SH2D4A: variants seen among roughly 807,000 people sequenced by gnomAD.
SH2D4A encodes SH2 domain-containing protein 4A.
A neutral mutation model predicts 64.7 loss-of-function variants in SH2D4A; 70 were observed. The observed-to-expected ratio is 1.08, with a 90% CI of 0.89 to 1.32. The LOEUF (loss-of-function observed/expected upper bound fraction) is 1.32, where lower values mean the gene tolerates loss of function less well. SH2D4A is among the 40% of genes most tolerant of loss of function. The pLI is 0.00. For missense variants in SH2D4A, 706 were observed against 540.1 expected, an observed-to-expected ratio of 1.31 and a Z score of -3.04; for synonymous variants, 268 against 200.7, an observed-to-expected ratio of 1.34 and a Z score of -2.83.
At position 19,364,192 on chromosome 8, in the gene SH2D4A, C is replaced by A; in HGVS notation, c.827C>A (p.Pro276His). ...KGRGGERLQS[P>H]LRVPQKPERP... is the part of the protein sequence containing the mutation. ...AGAGGCGGTGAGAGGCTGCAAAGCC[C>A]CTTGCGTGTTCCGCAGAAACCAGAA... Residue 276 changes from proline to histidine, a missense_variant, in exon 7 of 10, where the codon CCC becomes CAC. Transcript: ENST00000265807. The A allele has an allele frequency of 6.2e-7, 1 of 1,614,130 alleles. No individual in the cohort carries two copies. Among genetic ancestry groups the A allele is most frequent in the South Asian group, 1.1e-5 (1 of 91,082 alleles).
At chr8:19,326,663 A>AT (rs1191137824) in intron 2 of SH2D4A, among the ~76,000 whole-genome samples, 1 of 109,476 alleles carries the variant, frequency 9.1e-6, no homozygotes, top group African/African-American at 5.5e-5. Context: ...TGTATGTGTG[A>AT]GTGTGTGTGT....
intron 2 of SH2D4A, among the ~76,000 whole-genome samples, chr8:19,320,802 A>G (rs1021475301): frequency 2.0e-5 from 3 of 152,176 alleles, no homozygotes; most frequent in East Asian, 1.9e-4. Context: ...ACACTTTTCA[A>G]GGTCACTTGC....
intron 6 of SH2D4A, among the ~76,000 whole-genome samples, chr8:19,362,655 G>C (rs2052910738): frequency 6.6e-6 from 1 of 152,024 alleles, no homozygotes; most frequent in Non-Finnish European, 1.5e-5. Context: ...CAGGAGAATT[G>C]CTTGAACCAG....
At chr8:19,341,454 C>G (rs939626886) in intron 4 of SH2D4A, among the ~76,000 whole-genome samples, 2 of 152,152 alleles carry the variant, frequency 1.3e-5, no homozygotes, top group African/African-American at 4.8e-5. Flanking sequence ...AACAATCAGT[C>G]TTCCAGGATT....
In SH2D4A at chr8:19,357,295, C is replaced by T; in HGVS notation, c.594+12C>T. On this transcript the variant is annotated intron_variant, in intron 5 of 9. Coordinates refer to ENST00000265807, the MANE Select transcript of SH2D4A (RefSeq NM_022071.4). ...ATGCATTTCACCAGGTAAAAGACTT[C>T]CCTTCTGTCCTCCGGGGGCTGCATA... is the stretch of plus-strand genomic sequence containing the variant. 1.9e-6 allele frequency: 3 copies of T among 1,592,150 alleles called. No individual in the cohort carries two copies. The highest frequency in any genetic ancestry group is 1.1e-5 in the South Asian group (1 of 90,580).
intron 1 of SH2D4A, 161 bp downstream of exon 1, chr8:19,313,984 G>A: frequency 8.0e-7 from 1 of 1,253,742 alleles, no homozygotes; most frequent in East Asian, 3.2e-5. Context: ...CGCGGCGCCC[G>A]GGGCGGGCTC....
At chr8:19,314,833 A>G (rs1384847558) in intron 1 of SH2D4A, among the ~76,000 whole-genome samples, 1 of 152,224 alleles carries the variant, frequency 6.6e-6, no homozygotes, top group Non-Finnish European at 1.5e-5. Flanking sequence ...AGAATAGTAT[A>G]TATTTACAAA....
At chr8:19,342,757 T>C (rs1431758319) in intron 4 of SH2D4A, among the ~76,000 whole-genome samples, 1 of 152,128 alleles carries the variant, frequency 6.6e-6, no homozygotes, top group Non-Finnish European at 1.5e-5. Context: ...GGATTAGAGT[T>C]TTTGGGCTTT....
intron 4 of SH2D4A, among the ~76,000 whole-genome samples, chr8:19,343,063 A>C (rs1318874665): frequency 6.6e-6 from 1 of 152,098 alleles, no homozygotes; most frequent in Admixed American, 6.5e-5. Context: ...GTACTGCTGG[A>C]CTGGTTACCT....
chr8:19,357,166 C>A (rs760280672), intron 4 of SH2D4A, 37 bp from the exon 5 acceptor site: 43 of 1,502,292 alleles, frequency 2.9e-5, no homozygotes, highest in Non-Finnish European at 4.0e-5. Flanking sequence ...TGCACTGCAG[C>A]TCCAAATGCC....
intron 1 of SH2D4A, among the ~76,000 whole-genome samples, chr8:19,316,204 G>A (rs1028737023): frequency 1.3e-5 from 2 of 152,200 alleles, no homozygotes; most frequent in African/African-American, 4.8e-5. Context: ...GTTGTCGGCT[G>A]GGTCCCCCAA....
chr8:19,390,201 T>G (rs1197494338), intron 8 of SH2D4A, among the ~76,000 whole-genome samples: 1 of 152,094 alleles, frequency 6.6e-6, no homozygotes, highest in Non-Finnish European at 1.5e-5. Flanking sequence ...GCCAACATGG[T>G]AAAACCCTAT....
chr8:19,348,798 C>T (rs1032410596), intron 4 of SH2D4A, among the ~76,000 whole-genome samples: 19 of 152,256 alleles, frequency 1.2e-4, no homozygotes, highest in South Asian at 4.1e-4. Flanking sequence ...GTGATTTAAG[C>T]GGAGGTGAGT....
chr8:19,337,072 A>C, intron 4 of SH2D4A, among the ~76,000 whole-genome samples: 1 of 152,144 alleles, frequency 6.6e-6, no homozygotes, highest in East Asian at 1.9e-4. Flanking sequence ...TGACATATGG[A>C]AAGAGATGGG....
intron 7 of SH2D4A, 97 bp from the exon 8 acceptor site, chr8:19,373,433 T>C (rs2053138121): frequency 5.0e-6 from 4 of 794,762 alleles, no homozygotes; most frequent in African/African-American, 4.2e-5. Flanking sequence ...CATGTATATG[T>C]ATGTGTGTGT....
At chr8:19,314,037 G>A (rs2052042750) in intron 1 of SH2D4A, 1 of 1,054,822 alleles carries the variant, frequency 9.5e-7, no homozygotes, top group Non-Finnish European at 1.1e-6. Flanking sequence ...GCGGGTGTCC[G>A]GTGTCCGGTG....
intron 8 of SH2D4A, chr8:19,375,531 G>C (rs559459707): frequency 6.6e-6 from 1 of 152,312 alleles, no homozygotes; most frequent in East Asian, 1.9e-4. Flanking sequence ...GATGTGAGTG[G>C]GTAGGAGAGG....
intron 7 of SH2D4A, among the ~76,000 whole-genome samples, chr8:19,367,320 C>T (rs2053013726): frequency 6.6e-6 from 1 of 152,074 alleles, no homozygotes; most frequent in Admixed American, 6.5e-5. Flanking sequence ...TGAGAAACTT[C>T]ATATGGTTGT....
intron 4 of SH2D4A, among the ~76,000 whole-genome samples, chr8:19,340,710 A>G (rs2052517108): frequency 6.9e-6 from 1 of 145,372 alleles, no homozygotes; most frequent in Non-Finnish European, 1.5e-5. Flanking sequence ...GGCTCAGGTT[A>G]TCCTTCAGCC....
Sources: allele counts gnomAD v4.1 joint callset (sites outside exome capture counted in the v4.1 genomes callset), GRCh38; gene constraint gnomAD v4.1.1; transcripts MANE v1.5; gene names NCBI Gene and HGNC (gene_info 2026-07-23, HGNC 2026-07-21).